CEP44: variants seen among roughly 807,000 people sequenced by gnomAD.
CEP44 encodes centrosomal protein 44.
In CEP44, 45 loss-of-function variants were observed where a neutral mutation model predicts 46.7. The ratio of observed to expected loss-of-function variants is 0.96; its 90% CI spans 0.76 to 1.24. The LOEUF is 1.24. Among genes scored for constraint, CEP44 ranks in the 50% most tolerant of loss-of-function variants. The pLI is 0.00. For missense variants in CEP44, 475 were observed against 459.7 expected, an observed-to-expected ratio of 1.03 and a Z score of -0.30; for synonymous variants, 142 against 146.0, an observed-to-expected ratio of 0.97 and a Z score of 0.20.
intron 1 of CEP44, among the ~76,000 whole-genome samples, chr4:174,295,934 C>T (rs1229445886): frequency 6.6e-6 from 1 of 152,126 alleles, no homozygotes; most frequent in East Asian, 1.9e-4. Flanking sequence ...AGTGCTTTTT[C>T]TACGTCCGTT....
In CEP44 at chr4:174,310,127, T is replaced by C; in HGVS notation, c.885+71T>C. On this transcript the variant is annotated intron_variant, in intron 8 of 11. Transcript: ENST00000503780. The surrounding 1 kb of genome is among the most constrained non-coding windows in gnomAD (Gnocchi z 4.2). The stretch of plus-strand genomic sequence containing the variant: ...AGTTTTTTTTTGATTGTTATATGTG[T>C]ATTTTTTTGGAAATGCTAAATATGA... The C allele has an allele frequency of 2.2e-6, 3 of 1,380,366 alleles. No homozygotes were observed. Among genetic ancestry groups the C allele is most frequent in the South Asian group, 2.8e-5 (2 of 71,758 alleles). The allele number at this position is 1,380,366 out of a possible 1,614,324, so 85.5% of individuals were successfully genotyped here.
chr4:174,322,092 T>C (rs1168320390), downstream of CEP44, among the ~76,000 whole-genome samples: 1 of 152,198 alleles, frequency 6.6e-6, no homozygotes, highest in Non-Finnish European at 1.5e-5. Context: ...AGCTGAGGAC[T>C]TTTAAATGAA....
intron 6 of CEP44, among the ~76,000 whole-genome samples, chr4:174,305,173 G>T (rs1740237305): frequency 6.6e-6 from 1 of 152,124 alleles, no homozygotes; most frequent in South Asian, 2.1e-4. Flanking sequence ...TTATTCTTGG[G>T]TCTAGCACAG....
Position 174,288,826 on chromosome 4 carries a change from A to G in CEP44, c.-148+4883A>G, listed in dbSNP as rs1192355080. Among the ~76,000 whole-genome samples, 1 of 152,122 alleles carries G rather than the reference A, an allele frequency of 6.6e-6. No individual in the cohort carries two copies. The highest frequency in any genetic ancestry group is 1.9e-4 in the East Asian group (1 of 5,186). On this transcript the variant is annotated intron_variant, in intron 1 of 11. Transcript: ENST00000503780. This position sits in a 1 kb window ranked among gnomAD's most constrained non-coding sequence, Gnocchi z 4.6. ...AGTAGGCAACCTTGCCTTGTTCCTC[A>G]TCTTATGGGGAAAGCTTTCAGTTTT...
chr4:174,303,375 G>T (rs374712908), intron 4 of CEP44, among the ~76,000 whole-genome samples: 1 of 152,108 alleles, frequency 6.6e-6, no homozygotes, highest in Non-Finnish European at 1.5e-5. Flanking sequence ...TCTGACTCTG[G>T]TATGGTATTC....
Position 174,316,310 on chromosome 4 carries a change from A to AT in CEP44, c.1086+23dup. ...TCAGAGGTAAGAAAATGCTTAGATT[A>AT]TTTCCTTTCTAAATGAGGAAAACAA... On this transcript the variant is annotated intron_variant, in intron 10 of 11. Coordinates refer to ENST00000503780, the MANE Select transcript of CEP44 (RefSeq NM_001040157.3). 1.3e-6 allele frequency: 2 copies of AT among 1,598,578 alleles called. No individual in the cohort carries two copies. The highest frequency in any genetic ancestry group is 1.7e-6 in the Non-Finnish European group (2 of 1,169,126).
At chr4:174,302,554 C>G (rs1029843993) in intron 4 of CEP44, among the ~76,000 whole-genome samples, 2 of 151,764 alleles carry the variant, frequency 1.3e-5, no homozygotes, top group Admixed American at 1.3e-4. Context: ...TAAGAAGGAA[C>G]TATTACTGAC....
Position 174,284,273 on chromosome 4 carries a change from G to A in CEP44, c.-148+330G>A, listed in dbSNP as rs191770381. On this transcript the variant is annotated intron_variant, in intron 1 of 11. Coordinates refer to ENST00000503780, the MANE Select transcript of CEP44 (RefSeq NM_001040157.3). ...TTTCATTCTTTTAAATCAAATGGCG[G>A]GAGGGGAGCCTTGCTTATATACCCA... 1.8e-5 allele frequency: 7 copies of A among 392,870 alleles called. No homozygotes were observed. The East Asian group carries it at 2.5e-4, about 14-fold the overall frequency. The allele number at this position is 392,870 out of a possible 1,614,324, so 24.3% of individuals were successfully genotyped here.
Position 174,301,361 on chromosome 4 carries a change from C to T in CEP44, c.90-678C>T, listed in dbSNP as rs1477257733. On this transcript the variant is annotated intron_variant, in intron 3 of 11. Transcript: ENST00000503780. This position sits in a 1 kb window ranked among gnomAD's most constrained non-coding sequence, Gnocchi z 4.3. ...AGCAGATACTGAGTAGCCTGGGAGT[C>T]TTTCTTGGAGAGATCAGTATAGATC... Among the ~76,000 whole-genome samples, 5 of 152,098 alleles carry T rather than the reference C, an allele frequency of 3.3e-5. No individual in the cohort carries two copies. Among genetic ancestry groups the T allele is most frequent in the African/African-American group, 1.2e-4 (5 of 41,424 alleles).
rs1742644070 is a variant in CEP44, at chr4:174,326,044, TATTTAC to T, written c.1087-5432_1087-5427del. 6.6e-6 allele frequency among the ~76,000 whole-genome samples: 1 copy of T among 152,202 alleles called. No individual in the cohort carries two copies. Among genetic ancestry groups the T allele is most frequent in the Non-Finnish European group, 1.5e-5 (1 of 68,016 alleles). Reference sequence around the variant, plus strand: ...CTAAAAATCTCTGGAATGTTTAGATTATTTACATTTAACTTGATTATGGATATGGTT... The same window carrying T: ...CTAAAAATCTCTGGAATGTTTAGATTATTTAACTTGATTATGGATATGGTT... On this transcript the variant is annotated intron_variant, in intron 8 of 8. Transcript: ENST00000426172. This position sits in a 1 kb window ranked among gnomAD's most constrained non-coding sequence, Gnocchi z 4.8.
At chr4:174,304,887 C>T (rs926114276) in intron 6 of CEP44, among the ~76,000 whole-genome samples, 5 of 152,138 alleles carry the variant, frequency 3.3e-5, no homozygotes, top group Admixed American at 6.5e-5. Flanking sequence ...CCATTATCTG[C>T]TTTGAGCAGC....
Position 174,318,033 on chromosome 4 carries a change from T to C in CEP44, c.*650T>C. The C allele has an allele frequency of 1.0e-6, 1 of 985,300 alleles. No homozygotes were observed. Among genetic ancestry groups the C allele is most frequent in the Non-Finnish European group, 1.2e-6 (1 of 829,850 alleles). The allele number at this position is 985,300 out of a possible 1,614,324, so 61.0% of individuals were successfully genotyped here. The stretch of plus-strand genomic sequence containing the variant: ...TGGTCTCAAGGTTCACCATGAGAAA[T>C]GTGTTGAACATTTTAGTATGCTCTA... On this transcript the variant is annotated 3_prime_UTR_variant, in exon 12 of 12. Coordinates refer to ENST00000503780, the MANE Select transcript of CEP44 (RefSeq NM_001040157.3).
intron 11 of CEP44, 129 bp downstream of exon 11, chr4:174,316,696 C>T (rs996184819): frequency 2.7e-6 from 2 of 735,892 alleles, no homozygotes. Flanking sequence ...GAATTTCCTT[C>T]AGGACTCCAC....
In CEP44 at chr4:174,290,147, T is replaced by C. The variant is rs1738026978; in HGVS notation, c.-148+6204T>C. Among the ~76,000 whole-genome samples the C allele has an allele frequency of 6.6e-6, 1 of 152,130 alleles. No individual in the cohort carries two copies. The highest frequency in any genetic ancestry group is 6.6e-5 in the Admixed American group (1 of 15,262). On this transcript the variant is annotated intron_variant, in intron 1 of 11. Transcript: ENST00000503780. This position sits in a 1 kb window ranked among gnomAD's most constrained non-coding sequence, Gnocchi z 4.3. Reference sequence around the variant, plus strand: ...AGGATTATAGGCGTGAGCCACTGTGTCCTGCCTCTTTCTTCTTCTTAATGA... The same window carrying C: ...AGGATTATAGGCGTGAGCCACTGTGCCCTGCCTCTTTCTTCTTCTTAATGA...
downstream of CEP44, among the ~76,000 whole-genome samples, chr4:174,320,704 A>ATGTG (rs796604982): frequency 4.0e-5 from 5 of 125,328 alleles, no homozygotes; most frequent in Non-Finnish European, 7.1e-5. Flanking sequence ...GTGTGTGTGT[A>ATGTG]TGTGTGTGTG....
exon 9 of CEP44, chr4:174,333,038 T>C (rs1731388622): frequency 6.6e-6 from 1 of 152,082 alleles, no homozygotes; most frequent in Admixed American, 6.6e-5. Context: ...AGGACATTTA[T>C]ATTTATAGAA....
downstream of CEP44, among the ~76,000 whole-genome samples, chr4:174,321,578 C>T (rs1445443509): frequency 2.6e-5 from 4 of 152,160 alleles, no homozygotes; most frequent in Non-Finnish European, 5.9e-5. Context: ...TGAAAAATTT[C>T]CTAGTTTTTT....
chr4:174,317,366 C>A lies in CEP44; in HGVS notation c.1156C>A (p.Pro386Thr). ...FEETAELLKC[P>T]NHYL Reference sequence around the variant, plus strand: ...AGAAACTGCAGAGTTACTGAAATGTCCAAATCACTACTTGTAGGATTTTCT... The same window carrying A: ...AGAAACTGCAGAGTTACTGAAATGTACAAATCACTACTTGTAGGATTTTCT... The change falls in exon 12 of 12, where the codon CCA (proline) becomes ACA (threonine). Residue 386 changes from proline (P) to threonine (T), a missense_variant. Pro to Thr is a conservative substitution (Grantham distance 38). Transcript: ENST00000503780. 1 of 1,420,198 alleles carries A rather than the reference C, an allele frequency of 7.0e-7. No individual in the cohort carries two copies. The allele number at this position is 1,420,198 out of a possible 1,614,324, so 88.0% of individuals were successfully genotyped here. A position where few individuals can be genotyped will look rare whatever the true frequency, so the allele number is the denominator to read the frequency against.
At chr4:174,294,160 C>G (rs886883496) in intron 1 of CEP44, among the ~76,000 whole-genome samples, 2 of 150,284 alleles carry the variant, frequency 1.3e-5, no homozygotes, top group African/African-American at 4.9e-5. Flanking sequence ...GAACAAAGGT[C>G]TCTGGTTTTC....
Sources: gnomAD v4.1 joint callset for allele counts (sites outside exome capture counted in the v4.1 genomes callset) on GRCh38, gnomAD v4.1.1 for gene constraint, Gnocchi (gnomAD v3.1) non-coding constraint, MANE v1.5 for transcripts, NCBI Gene and HGNC (gene_info 2026-07-23, HGNC 2026-07-21) for gene names.